Variants in CNTN6 observed in about 807,000 individuals in gnomAD.
The protein encoded by CNTN6 is contactin-6.
In CNTN6, 137 loss-of-function variants were observed where a neutral mutation model predicts 122.8. That is an observed-to-expected ratio of 1.12 (90% confidence interval 0.97 to 1.29). The LOEUF is 1.29. Ranked by LOEUF, CNTN6 falls within the 50% of genes most tolerant of loss-of-function variation. The pLI, the probability that CNTN6 is intolerant of heterozygous loss-of-function variation, is 0.00. For synonymous variants in CNTN6, 570 were observed against 426.0 expected (o/e 1.34, Z -4.16); for missense variants, 1,634 against 1,223.4 (o/e 1.34, Z -5.01).
In CNTN6 at chr3:1,284,768, A is replaced by G. The variant is rs530647914; in HGVS notation, c.454+6260A>G. Among the ~76,000 whole-genome samples, 3 of 152,360 alleles carry G rather than the reference A, an allele frequency of 2.0e-5. No individual in the cohort carries two copies. The South Asian group carries it at 6.2e-4, about 32-fold the overall frequency. The stretch of plus-strand genomic sequence containing the variant: ...GAAGGTTTCACTGCTATTTGAGCAG[A>G]GAACTAAAGAAGTGAGGGAGTGAGA... On this transcript the variant is annotated intron_variant, in intron 5 of 22. Transcript: ENST00000446702.
At chr3:1,230,313 C>T (rs925710170) in intron 4 of CNTN6, among the ~76,000 whole-genome samples, 3 of 152,106 alleles carry the variant, frequency 2.0e-5, no homozygotes, top group East Asian at 1.9e-4. Flanking sequence ...GAAATCTATA[C>T]GATGAGGATA....
At chr3:1,273,214 G>A (rs1181140751) in intron 4 of CNTN6, among the ~76,000 whole-genome samples, 2 of 152,160 alleles carry the variant, frequency 1.3e-5, no homozygotes, top group East Asian at 1.9e-4. Flanking sequence ...TTTGTATCCC[G>A]TGCACAAGGG....
rs573538800 is a variant in CNTN6, at chr3:1,273,285, G to A, written c.359-5128G>A. On this transcript the variant is annotated intron_variant, in intron 4 of 22. Transcript: ENST00000446702. ...TATCTCCAAATATTATAGAATTTGAGACCATCTCAGAGAACGATCTCATTC... is the reference window on the plus strand; with the variant it reads ...TATCTCCAAATATTATAGAATTTGAAACCATCTCAGAGAACGATCTCATTC... Among the ~76,000 whole-genome samples, 144 of 152,306 alleles carry A rather than the reference G, an allele frequency of 9.5e-4. 2 individuals are homozygous for A. Among genetic ancestry groups the A allele is most frequent in the Admixed American group, 2.9e-3 (45 of 15,296 alleles).
At chr3:1,350,470 C>T (rs145878203) in intron 11 of CNTN6, among the ~76,000 whole-genome samples, 2 of 151,960 alleles carry the variant, frequency 1.3e-5, no homozygotes, top group East Asian at 1.9e-4. Flanking sequence ...TTTGCTCTCT[C>T]AGTACCTTAA....
At chr3:1,161,533 A>C (rs1046038030) in intron 2 of CNTN6, among the ~76,000 whole-genome samples, 3 of 151,822 alleles carry the variant, frequency 2.0e-5, no homozygotes, top group Non-Finnish European at 2.9e-5. Context: ...AAACATGTGT[A>C]TATACATATA....
chr3:1,095,171 TA>T (rs5846087), intron 1 of CNTN6, among the ~76,000 whole-genome samples: 32,459 of 150,838 alleles, frequency 0.22, 7,967 homozygotes, highest in African/African-American at 0.6. Flanking sequence ...ATCCTACACT[TA>T]AAAAAAAACA....
chr3:1,103,665 C>T (rs34736806), intron 1 of CNTN6, among the ~76,000 whole-genome samples: 9,595 of 152,232 alleles, frequency 0.063, 403 homozygotes, highest in Non-Finnish European at 0.094. Flanking sequence ...AGCCAAACAG[C>T]AGTTTTTAAG....
chr3:1,334,673 A>C (rs572716541), intron 11 of CNTN6, among the ~76,000 whole-genome samples: 1 of 152,188 alleles, frequency 6.6e-6, no homozygotes, highest in South Asian at 2.1e-4. Context: ...ATGGATTCAG[A>C]GTTTACAGAG....
At chr3:1,303,082 A>T (rs1697707542) in intron 7 of CNTN6, among the ~76,000 whole-genome samples, 1 of 151,810 alleles carries the variant, frequency 6.6e-6, no homozygotes, top group Non-Finnish European at 1.5e-5. Context: ...AACTTATTTT[A>T]TTTCCAGCAT....
chr3:1,267,589 T>C (rs897592198), intron 4 of CNTN6, among the ~76,000 whole-genome samples: 13 of 152,276 alleles, frequency 8.5e-5, no homozygotes, highest in African/African-American at 2.9e-4. Flanking sequence ...AAACACTTGA[T>C]ATTGGAGAAA....
chr3:1,387,011 C>G (rs1357710821), intron 20 of CNTN6, among the ~76,000 whole-genome samples: 1 of 150,972 alleles, frequency 6.6e-6, no homozygotes, highest in Non-Finnish European at 1.5e-5. Flanking sequence ...ACAACCAGAT[C>G]AACTGTCAGA....
intron 2 of CNTN6, among the ~76,000 whole-genome samples, chr3:1,201,838 T>G (rs2093876282): frequency 1.3e-5 from 2 of 152,106 alleles, no homozygotes. Context: ...AGCATAGAAA[T>G]TCCTATGTTA....
intron 16 of CNTN6, among the ~76,000 whole-genome samples, chr3:1,375,772 A>C (rs1235249653): frequency 6.6e-6 from 1 of 152,112 alleles, no homozygotes; most frequent in African/African-American, 2.4e-5. Context: ...TAAAGCTGAC[A>C]AAGTTAAGGG....
At chr3:1,330,379 G>A (rs772463851) in intron 11 of CNTN6, among the ~76,000 whole-genome samples, 32 of 151,792 alleles carry the variant, frequency 2.1e-4, no homozygotes, top group Non-Finnish European at 3.2e-4. Flanking sequence ...ATGTAGAGAG[G>A]TTCCTGTAGA....
chr3:1,137,943 A>G (rs953286939), intron 1 of CNTN6, among the ~76,000 whole-genome samples: 4 of 152,196 alleles, frequency 2.6e-5, no homozygotes, highest in Middle Eastern at 3.2e-3. Context: ...CTCTCCTGAG[A>G]CACAAATAAT....
At chr3:1,311,636 A>G (rs1455035656) in intron 7 of CNTN6, among the ~76,000 whole-genome samples, 2 of 150,854 alleles carry the variant, frequency 1.3e-5, no homozygotes, top group African/African-American at 4.8e-5. Flanking sequence ...AATTCTGAAA[A>G]TATAGGCAAG....
intron 1 of CNTN6, among the ~76,000 whole-genome samples, chr3:1,103,092 C>T (rs534315456): frequency 6.6e-6 from 1 of 152,038 alleles, no homozygotes; most frequent in African/African-American, 2.4e-5. Context: ...GGCGACAGAG[C>T]CAGACTCCGT....
intron 4 of CNTN6, among the ~76,000 whole-genome samples, chr3:1,276,592 G>A (rs915434606): frequency 6.6e-6 from 1 of 152,044 alleles, no homozygotes; most frequent in African/African-American, 2.4e-5. Flanking sequence ...ACAACAAAAC[G>A]TCCCTACATT....
chr3:1,282,431 A>T (rs1226584374), intron 5 of CNTN6, among the ~76,000 whole-genome samples: 1 of 152,224 alleles, frequency 6.6e-6, no homozygotes, highest in Non-Finnish European at 1.5e-5. Flanking sequence ...ATCATTTCAA[A>T]ATGTGGAAGC....
Sources: gnomAD v4.1 joint callset for allele counts (sites outside exome capture counted in the v4.1 genomes callset) on GRCh38, gnomAD v4.1.1 for gene constraint, MANE v1.5 for transcripts, NCBI Gene and HGNC (gene_info 2026-07-23, HGNC 2026-07-21) for gene names.